FDFT1: variants seen among roughly 807,000 people sequenced by gnomAD.
FDFT1 encodes the protein squalene synthase.
A neutral mutation model predicts 46.8 loss-of-function variants in FDFT1; 68 were observed. That is an observed-to-expected ratio of 1.45 (90% confidence interval 1.19 to 1.78). The LOEUF is 1.78. Among genes scored for constraint, FDFT1 ranks in the 40% most tolerant of loss-of-function variants. FDFT1 has a pLI of 0.00. For synonymous variants in FDFT1, 351 were observed against 185.1 expected (o/e 1.90, Z -7.28); for missense variants, 928 against 524.4 (o/e 1.77, Z -7.52).
At chr8:11,826,300 A>G in intron 5 of FDFT1, 85 bp downstream of exon 5, 2 of 1,089,206 alleles carry the variant, frequency 1.8e-6, no homozygotes, top group South Asian at 1.9e-5. Context: ...CGGGTGACAG[A>G]AAAACAAGTC....
intron 5 of FDFT1, among the ~76,000 whole-genome samples, chr8:11,829,455 C>G (rs931124775): frequency 6.6e-6 from 1 of 152,226 alleles, no homozygotes; most frequent in African/African-American, 2.4e-5. Context: ...AGACTCAGCT[C>G]ATTTCCCAGC....
intron 3 of FDFT1, among the ~76,000 whole-genome samples, chr8:11,819,087 G>C (rs1202943339): frequency 1.3e-5 from 2 of 152,112 alleles, no homozygotes; most frequent in African/African-American, 2.4e-5. Flanking sequence ...GTCTGTAAAG[G>C]ATTTTATTTC....
intron 3 of FDFT1, among the ~76,000 whole-genome samples, chr8:11,818,377 C>G (rs61691191): frequency 0.042 from 6,400 of 152,244 alleles, 452 homozygotes; most frequent in African/African-American, 0.14. Context: ...TCTGTTAGGT[C>G]TGCTTGGTCC....
chr8:11,831,024 T>A (rs1276408858), intron 6 of FDFT1, among the ~76,000 whole-genome samples: 1 of 152,220 alleles, frequency 6.6e-6, no homozygotes, highest in Non-Finnish European at 1.5e-5. Flanking sequence ...GTCTTATGTT[T>A]CCATTTACCT....
chr8:11,799,798 T>C (rs989790609), upstream of FDFT1, among the ~76,000 whole-genome samples: 3 of 151,764 alleles, frequency 2.0e-5, no homozygotes, highest in African/African-American at 7.3e-5. Context: ...ATAAAAAAAT[T>C]AGCTGGCCGT....
chr8:11,837,998 T>C (rs1811773102), intron 7 of FDFT1, among the ~76,000 whole-genome samples: 1 of 152,220 alleles, frequency 6.6e-6, no homozygotes, highest in Non-Finnish European at 1.5e-5. Flanking sequence ...TAAGCTGCTT[T>C]TGCCCAGTCT....
intron 7 of FDFT1, among the ~76,000 whole-genome samples, chr8:11,834,664 G>C (rs531466949): frequency 3.9e-5 from 6 of 152,214 alleles, no homozygotes; most frequent in Non-Finnish European, 5.9e-5. Context: ...GATGTTCATA[G>C]ACAAGAGTTT....
chr8:11,802,251 G>C (rs1223122808), upstream of FDFT1: 9 of 385,764 alleles, frequency 2.3e-5, no homozygotes. Context: ...CCTTTTCACG[G>C]TTTTAGGCTC....
At position 11,838,926 on chromosome 8, in the gene FDFT1, C is replaced by A. The variant is rs866905485; in HGVS notation, c.*317C>A. 3.2e-6 allele frequency: 1 copy of A among 310,424 alleles called. No homozygotes were observed. Among genetic ancestry groups the A allele is most frequent in the South Asian group, 3.9e-5 (1 of 25,392 alleles). The allele number at this position is 310,424 out of a possible 1,614,324, so 19.2% of individuals were successfully genotyped here. ...GTCATGAGATCCTACTTAGTATGATCCTGGCTAGAATGATAATTAAAAGTA... is the reference window on the plus strand; with the variant it reads ...GTCATGAGATCCTACTTAGTATGATACTGGCTAGAATGATAATTAAAAGTA... On this transcript the variant is annotated 3_prime_UTR_variant, in exon 8 of 8. Coordinates refer to ENST00000220584, the MANE Select transcript of FDFT1 (RefSeq NM_004462.5).
chr8:11,810,017 T>C (rs1051974325), intron 3 of FDFT1, 167 bp downstream of exon 3: 4 of 552,804 alleles, frequency 7.2e-6, no homozygotes, highest in Non-Finnish European at 1.3e-5. Flanking sequence ...CCAGGCTGCC[T>C]GGGTTGGAAT....
intron 3 of FDFT1, chr8:11,810,059 A>G: frequency 1.9e-6 from 1 of 524,712 alleles, no homozygotes; most frequent in Non-Finnish European, 3.4e-6. Flanking sequence ...ACTGTTGGTT[A>G]CTTACAAAGA....
In FDFT1 at chr8:11,838,446, C is replaced by A; in HGVS notation, c.1091C>A (p.Ser364Tyr). Residue 364 changes from serine to tyrosine, a missense_variant, in exon 8 of 8, where the codon TCC becomes TAC. By Grantham distance (144) the Ser-to-Tyr change is moderately radical (BLOSUM62 -2). Coordinates refer to ENST00000220584, the MANE Select transcript of FDFT1 (RefSeq NM_004462.5). ...PSSSKTRQII[S>Y]TIRTQNLPNC... ...TCTAGCAAAACAAGGCAGATCATCT[C>A]CACCATCCGGACGCAGAATCTTCCC... 1.2e-6 allele frequency: 2 copies of A among 1,610,312 alleles called. No homozygotes were observed. The highest frequency in any genetic ancestry group is 1.7e-6 in the Non-Finnish European group (2 of 1,177,932).
At position 11,838,728 on chromosome 8, in the gene FDFT1, T is replaced by C; in HGVS notation, c.*119T>C. On this transcript the variant is annotated 3_prime_UTR_variant, in exon 8 of 8. Coordinates refer to ENST00000220584, the MANE Select transcript of FDFT1 (RefSeq NM_004462.5). ...TACTTTAATCCCTAAAAGAACGCTG[T>C]GTGGCTGGGACCTTTAGGAAAGTGA... 2.5e-6 allele frequency: 2 copies of C among 814,548 alleles called. No individual in the cohort carries two copies. The highest frequency in any genetic ancestry group is 4.1e-6 in the Non-Finnish European group (2 of 489,334). 50.5% of individuals were successfully genotyped at this position (814,548 alleles called of 1,614,324 possible).
intron 4 of FDFT1, among the ~76,000 whole-genome samples, chr8:11,824,584 T>A (rs1428588749): frequency 7.2e-6 from 1 of 137,950 alleles, no homozygotes; most frequent in South Asian, 2.5e-4. Flanking sequence ...TGTGTCACTG[T>A]GCCTGGCTAA....
chr8:11,826,290 C>T (rs1387604762), intron 5 of FDFT1, 75 bp downstream of exon 5: 33 of 1,203,164 alleles, frequency 2.7e-5, no homozygotes, highest in African/African-American at 4.6e-5. Context: ...CTTGTGGTTG[C>T]GGGTGACAGA....
intron 3 of FDFT1, among the ~76,000 whole-genome samples, chr8:11,816,749 T>C (rs13278684): frequency 3.3e-5 from 5 of 152,136 alleles, no homozygotes; most frequent in Admixed American, 3.3e-4. Context: ...AAGTTGCTTA[T>C]CAGCTTAAGG....
chr8:11,806,239 G>T (rs1806813791), intron 1 of FDFT1, among the ~76,000 whole-genome samples: 2 of 152,098 alleles, frequency 1.3e-5, no homozygotes, highest in Admixed American at 1.3e-4. Context: ...TTTTGGGAGT[G>T]TGCTGAATCT....
At chr8:11,810,916 A>G (rs1043223066) in intron 3 of FDFT1, among the ~76,000 whole-genome samples, 1 of 142,626 alleles carries the variant, frequency 7.0e-6, no homozygotes, top group African/African-American at 2.6e-5. Context: ...ATTCTTGGGC[A>G]TAATGGGAGC....
upstream of FDFT1, among the ~76,000 whole-genome samples, chr8:11,799,516 C>G (rs1414143421): frequency 6.6e-6 from 1 of 152,180 alleles, no homozygotes; most frequent in Non-Finnish European, 1.5e-5. Context: ...AGAGTCTGTT[C>G]CGTTAGTCTT....
Sources: allele counts gnomAD v4.1 joint callset (sites outside exome capture counted in the v4.1 genomes callset), GRCh38; gene constraint gnomAD v4.1.1; transcripts MANE v1.5; gene names NCBI Gene and HGNC (gene_info 2026-07-23, HGNC 2026-07-21).